KCNMB1: variants seen among roughly 807,000 people sequenced by gnomAD.
The protein encoded by KCNMB1 is potassium calcium-activated channel subfamily M regulatory beta subunit 1, also known as calcium-activated potassium channel subunit beta-1.
In KCNMB1, 22 loss-of-function variants were observed where a neutral mutation model predicts 21.7. That is an observed-to-expected ratio of 1.01 (90% confidence interval 0.72 to 1.45). The LOEUF is 1.45. Among genes scored for constraint, KCNMB1 ranks in the 40% most tolerant of loss-of-function variants. The pLI is 0.00. For missense variants in KCNMB1, 243 were observed against 243.4 expected, an observed-to-expected ratio of 1.00 and a Z score of 0.01; for synonymous variants, 114 against 107.6, an observed-to-expected ratio of 1.06 and a Z score of -0.37.
chr5:170,388,047 C>T (rs1431063234), intron 1 of KCNMB1, among the ~76,000 whole-genome samples: 2 of 152,222 alleles, frequency 1.3e-5, no homozygotes, highest in Admixed American at 1.3e-4. Flanking sequence ...GCCATGGCCT[C>T]CTCTGCTATT....
chr5:170,379,818 G>A (rs1447174865), intron 3 of KCNMB1, among the ~76,000 whole-genome samples: 1 of 151,994 alleles, frequency 6.6e-6, no homozygotes, highest in Non-Finnish European at 1.5e-5. Flanking sequence ...GGTGGGCATG[G>A]TGGTGTACCT....
At chr5:170,380,740 C>T (rs1764206027) in intron 3 of KCNMB1, among the ~76,000 whole-genome samples, 1 of 152,194 alleles carries the variant, frequency 6.6e-6, no homozygotes, top group African/African-American at 2.4e-5. Flanking sequence ...CTGAGTCTCT[C>T]CAATGCCTCT....
In KCNMB1 at chr5:170,378,662, T is replaced by A. The variant is rs745791562; in HGVS notation, c.*42A>T. On this transcript the variant is annotated 3_prime_UTR_variant, in exon 4 of 4. Coordinates refer to ENST00000274629, the MANE Select transcript of KCNMB1 (RefSeq NM_004137.4). ...GGAGCAGCCCTGGGGGCCCAGCCAG[T>A]CCCCTGTGCCCTGACAAGTGGTATG... The A allele has an allele frequency of 1.9e-6, 3 of 1,548,988 alleles. No homozygotes were observed. The highest frequency in any genetic ancestry group is 2.6e-6 in the Non-Finnish European group (3 of 1,149,910).
intron 2 of KCNMB1, among the ~76,000 whole-genome samples, chr5:170,384,782 T>C (rs1261077268): frequency 6.6e-6 from 1 of 152,222 alleles, no homozygotes; most frequent in Non-Finnish European, 1.5e-5. Context: ...TGGACCATTC[T>C]CTGAGATTCC....
intron 3 of KCNMB1, among the ~76,000 whole-genome samples, chr5:170,379,190 G>T (rs770974316): frequency 6.6e-6 from 1 of 151,400 alleles, no homozygotes; most frequent in Non-Finnish European, 1.5e-5. Flanking sequence ...GAGCTGCTCG[G>T]GGTACAGGCT....
intron 3 of KCNMB1, among the ~76,000 whole-genome samples, chr5:170,380,056 C>T (rs1008268252): frequency 6.6e-6 from 1 of 152,002 alleles, no homozygotes; most frequent in African/African-American, 2.4e-5. Flanking sequence ...GGGTATTTGA[C>T]ACTGGGATCC....
At position 170,375,184 on chromosome 5, in the gene KCNMB1, C is replaced by A. The variant is rs1763955642; in HGVS notation, c.*3520G>T. 6.6e-6 allele frequency: 1 copy of A among 152,160 alleles called. No homozygotes were observed. Among genetic ancestry groups the A allele is most frequent in the African/African-American group, 2.4e-5 (1 of 41,420 alleles). 9.4% of individuals were successfully genotyped at this position (152,160 alleles called of 1,614,324 possible). ...CGAAATAATACAGAGACATTCCGTG[C>A]CCCCTCTACCTAATGTCCCCAATGG... is the stretch of plus-strand genomic sequence containing the variant. On this transcript the variant is annotated 3_prime_UTR_variant, in exon 4 of 4. Coordinates refer to ENST00000274629, the MANE Select transcript of KCNMB1 (RefSeq NM_004137.4).
At chr5:170,379,966 A>G (rs1764176021) in intron 3 of KCNMB1, among the ~76,000 whole-genome samples, 1 of 151,808 alleles carries the variant, frequency 6.6e-6, no homozygotes, top group South Asian at 2.1e-4. Context: ...AAAAAAAAAA[A>G]GTAAAATATT....
chr5:170,381,745 G>A (rs1764249162), intron 3 of KCNMB1, among the ~76,000 whole-genome samples: 1 of 152,226 alleles, frequency 6.6e-6, no homozygotes, highest in Admixed American at 6.5e-5. Flanking sequence ...GGACCAGGGA[G>A]GCAGCCTGAA....
At chr5:170,379,351 C>A (rs1219566034) in intron 3 of KCNMB1, among the ~76,000 whole-genome samples, 1 of 152,148 alleles carries the variant, frequency 6.6e-6, no homozygotes, top group East Asian at 1.9e-4. Flanking sequence ...GAAAGAAGGA[C>A]TTCACACAGA....
intron 2 of KCNMB1, 123 bp downstream of exon 2, chr5:170,385,191 G>A (rs532421508): frequency 1.6e-4 from 175 of 1,074,474 alleles, no homozygotes; most frequent in South Asian, 9.7e-4. Context: ...AATGAGCATC[G>A]TCTTGACCCT....
At position 170,385,449 on chromosome 5, in the gene KCNMB1, T is replaced by A; in HGVS notation, c.-2A>T. 6.2e-7 allele frequency: 1 copy of A among 1,614,102 alleles called. No homozygotes were observed. ...GGCCATCACCAGCTTCTTCACCATATTCACTGGGGGCAGTGATCATTTCTA... is the reference window on the plus strand; with the variant it reads ...GGCCATCACCAGCTTCTTCACCATAATCACTGGGGGCAGTGATCATTTCTA... On this transcript the variant is annotated 5_prime_UTR_variant, in exon 2 of 4. Transcript: ENST00000274629.
At chr5:170,379,121 G>A (rs1302919238) in intron 3 of KCNMB1, 148 bp from the exon 4 acceptor site, 18 of 924,912 alleles carry the variant, frequency 1.9e-5, no homozygotes, top group East Asian at 1.6e-4. Flanking sequence ...CAGGCCATGC[G>A]CTGTACAGGT....
rs1763938901 is a variant in KCNMB1, at chr5:170,374,682, G to A, written c.*4022C>T. 6.6e-6 allele frequency: 1 copy of A among 152,182 alleles called. No individual in the cohort carries two copies. The highest frequency in any genetic ancestry group is 1.5e-5 in the Non-Finnish European group (1 of 68,046). The allele number at this position is 152,182 out of a possible 1,614,324, so 9.4% of individuals were successfully genotyped here. ...GAAGCACTAGACACTCATTAGCAGA[G>A]TGGTTTATTAAGAACTGATGAAGGT... On this transcript the variant is annotated 3_prime_UTR_variant, in exon 4 of 4. Coordinates refer to ENST00000274629, the MANE Select transcript of KCNMB1 (RefSeq NM_004137.4).
At chr5:170,380,333 G>C (rs1401027080) in intron 3 of KCNMB1, among the ~76,000 whole-genome samples, 5 of 152,210 alleles carry the variant, frequency 3.3e-5, no homozygotes, top group Admixed American at 6.5e-5. Flanking sequence ...CTGAGGGCGA[G>C]ACCCAGGAAT....
At chr5:170,386,130 AAAAC>A (rs1361458128) in intron 1 of KCNMB1, among the ~76,000 whole-genome samples, 14 of 150,484 alleles carry the variant, frequency 9.3e-5, no homozygotes, top group African/African-American at 2.7e-4. Flanking sequence ...GTCAAAAAAA[AAAAC>A]AAAAAACAAA....
Position 170,383,468 on chromosome 5 carries a change from CTA to C in KCNMB1, c.306+209_306+210del, listed in dbSNP as rs1764334925. ...GGAGGTGAGAGGCTAAGTGGCCTGC[CTA>C]TGTTTACACAGCCAGTTAGCGGCAG... On this transcript the variant is annotated intron_variant, in intron 3 of 3. Transcript: ENST00000274629. 6.3e-6 allele frequency: 4 copies of C among 632,382 alleles called. No individual in the cohort carries two copies. The South Asian group carries it at 7.3e-5, about 12-fold the overall frequency. The allele number at this position is 632,382 out of a possible 1,614,324, so 39.2% of individuals were successfully genotyped here. A position where few individuals can be genotyped will look rare whatever the true frequency, so the allele number is the denominator to read the frequency against.
chr5:170,386,233 A>T (rs1221597133), intron 1 of KCNMB1, among the ~76,000 whole-genome samples: 8 of 152,212 alleles, frequency 5.3e-5, no homozygotes, highest in Non-Finnish European at 8.8e-5. Flanking sequence ...ATAAGAGGGA[A>T]GTGAAGGGAG....
intron 1 of KCNMB1, among the ~76,000 whole-genome samples, chr5:170,386,965 T>C (rs1764500885): frequency 1.3e-5 from 2 of 152,072 alleles, no homozygotes; most frequent in Non-Finnish European, 2.9e-5. Flanking sequence ...GTGTGAGTCT[T>C]GACAAAGACT....
Sources: gnomAD v4.1 joint callset for allele counts (sites outside exome capture counted in the v4.1 genomes callset) on GRCh38, gnomAD v4.1.1 for gene constraint, MANE v1.5 for transcripts, NCBI Gene and HGNC (gene_info 2026-07-23, HGNC 2026-07-21) for gene names.